The following FSTL4 variants were observed in gnomAD, a reference collection of about 807,000 sequenced individuals.
FSTL4 encodes the protein follistatin like 4, also known as follistatin-related protein 4.
A neutral mutation model predicts 78.2 loss-of-function variants in FSTL4; 28 were observed. The ratio of observed to expected loss-of-function variants is 0.36; its 90% CI spans 0.27 to 0.49. FSTL4 has a LOEUF of 0.49. FSTL4 is among the 20% of genes least tolerant of loss of function. FSTL4 has a pLI of 0.98. For synonymous variants in FSTL4, 422 were observed against 440.5 expected, an observed-to-expected ratio of 0.96 and a Z score of 0.53; for missense variants, 922 against 1,084.9, an observed-to-expected ratio of 0.85 and a Z score of 2.11.
chr5:133,759,305 G>A, the FSTL4 span, among the ~76,000 whole-genome samples: 3 of 152,210 alleles, frequency 2.0e-5, no homozygotes, highest in Non-Finnish European at 4.4e-5. Context: ...ATACTCAATG[G>A]TGGAGGTGGA....
chr5:133,326,528 T>A (rs1375229558), intron 4 of FSTL4, among the ~76,000 whole-genome samples: 1 of 152,230 alleles, frequency 6.6e-6, no homozygotes, highest in Admixed American at 6.5e-5. Context: ...CACTGGCTAC[T>A]CTAGCCTTGA....
the FSTL4 span, among the ~76,000 whole-genome samples, chr5:133,721,856 T>A: frequency 1.3e-5 from 2 of 152,228 alleles, no homozygotes; most frequent in Admixed American, 6.5e-5. Context: ...AATTATTTTA[T>A]TAAATAAGTT....
chr5:133,295,117 C>T (rs78333049), intron 6 of FSTL4, among the ~76,000 whole-genome samples: 10,187 of 152,160 alleles, frequency 0.067, 552 homozygotes, highest in East Asian at 0.27. Context: ...CAATCGTTCC[C>T]GACCTTCTTC....
chr5:133,472,054 C>T lies in FSTL4; in HGVS notation c.161-71068G>A, dbSNP rs144153492. Reference sequence around the variant, plus strand: ...TTGGGGGCCACACTATAGAAGGAATCTGGTTTCAGAATTACCGTGTGGAGC... The same window carrying T: ...TTGGGGGCCACACTATAGAAGGAATTTGGTTTCAGAATTACCGTGTGGAGC... On this transcript the variant is annotated intron_variant, in intron 3 of 15. Coordinates refer to ENST00000265342, the MANE Select transcript of FSTL4 (RefSeq NM_015082.2). Among the ~76,000 whole-genome samples the T allele has an allele frequency of 1.9e-3, 285 of 152,310 alleles. 2 individuals are homozygous for T. The highest frequency in any genetic ancestry group is 6.5e-3 in the African/African-American group (269 of 41,570).
intron 6 of FSTL4, among the ~76,000 whole-genome samples, chr5:133,301,739 G>C (rs530032525): frequency 6.6e-6 from 1 of 152,198 alleles, no homozygotes; most frequent in Non-Finnish European, 1.5e-5. Context: ...CTTGCAGGCT[G>C]CCCCAGGCGG....
intron 7 of FSTL4, among the ~76,000 whole-genome samples, chr5:133,246,361 C>T (rs565811567): frequency 1.3e-5 from 2 of 152,348 alleles, no homozygotes; most frequent in African/African-American, 4.8e-5. Context: ...TCCCGATGAC[C>T]TGGCTTTAGC....
At chr5:133,438,782 T>C (rs1313783745) in intron 3 of FSTL4, among the ~76,000 whole-genome samples, 2 of 152,216 alleles carry the variant, frequency 1.3e-5, no homozygotes, top group East Asian at 3.8e-4. Flanking sequence ...ATTTTGAGGA[T>C]GAGCAGAACT....
chr5:133,627,857 A>G, the FSTL4 span, among the ~76,000 whole-genome samples: 1 of 151,562 alleles, frequency 6.6e-6, no homozygotes, highest in Non-Finnish European at 1.5e-5. Flanking sequence ...ATTTATATAT[A>G]ATATTTTTGC....
At chr5:133,370,246 G>A (rs1755265255) in intron 4 of FSTL4, among the ~76,000 whole-genome samples, 1 of 152,172 alleles carries the variant, frequency 6.6e-6, no homozygotes, top group Non-Finnish European at 1.5e-5. Context: ...GCTTGTCGCT[G>A]AGGAAATGAC....
At chr5:133,370,889 G>T (rs1755281664) in intron 4 of FSTL4, among the ~76,000 whole-genome samples, 1 of 152,182 alleles carries the variant, frequency 6.6e-6, no homozygotes, top group African/African-American at 2.4e-5. Flanking sequence ...GGCAGGTTGG[G>T]GTCATCGAGT....
At chr5:133,688,785 AGGT>A in the FSTL4 span, among the ~76,000 whole-genome samples, 1 of 152,216 alleles carries the variant, frequency 6.6e-6, no homozygotes, top group Non-Finnish European at 1.5e-5. Flanking sequence ...ATGACCTGCA[AGGT>A]GGAAACTTGT....
At chr5:133,628,355 T>C in the FSTL4 span, among the ~76,000 whole-genome samples, 22 of 145,760 alleles carry the variant, frequency 1.5e-4, no homozygotes, top group African/African-American at 5.7e-4. Flanking sequence ...TCTTTTCTTT[T>C]CTTTTCTTTT....
chr5:133,684,483 C>T, the FSTL4 span, among the ~76,000 whole-genome samples: 1 of 152,254 alleles, frequency 6.6e-6, no homozygotes, highest in East Asian at 1.9e-4. Flanking sequence ...TGGCACTGAC[C>T]TTCTCCCTTA....
chr5:133,631,136 A>T, the FSTL4 span, among the ~76,000 whole-genome samples: 1 of 152,262 alleles, frequency 6.6e-6, no homozygotes, highest in African/African-American at 2.4e-5. Flanking sequence ...ACAAAAGCCA[A>T]AATTGGCAAA....
intron 4 of FSTL4, among the ~76,000 whole-genome samples, chr5:133,372,999 C>T (rs1006604436): frequency 1.3e-5 from 2 of 152,122 alleles, no homozygotes; most frequent in Admixed American, 1.3e-4. Context: ...GCCTAAATCC[C>T]CAACGTGAAG....
chr5:133,742,093 C>G, the FSTL4 span, among the ~76,000 whole-genome samples: 1 of 152,356 alleles, frequency 6.6e-6, no homozygotes, highest in Middle Eastern at 3.4e-3. Flanking sequence ...GTCACTACAT[C>G]AGTGCCATGG....
At chr5:133,736,626 C>A in the FSTL4 span, among the ~76,000 whole-genome samples, 1 of 152,116 alleles carries the variant, frequency 6.6e-6, no homozygotes, top group South Asian at 2.1e-4. Context: ...AGAGACACCA[C>A]GGGTCTGTGA....
At chr5:133,232,489 T>A (rs903113537) in intron 8 of FSTL4, among the ~76,000 whole-genome samples, 2 of 152,206 alleles carry the variant, frequency 1.3e-5, no homozygotes, top group Non-Finnish European at 2.9e-5. Context: ...GTCCACCAAA[T>A]ATAGCTAAAT....
the FSTL4 span, among the ~76,000 whole-genome samples, chr5:133,674,502 A>T: frequency 6.6e-6 from 1 of 152,222 alleles, no homozygotes; most frequent in East Asian, 1.9e-4. Flanking sequence ...AGCTAACTTT[A>T]TTAATTTAGA....
Sources: allele counts gnomAD v4.1 joint callset (sites outside exome capture counted in the v4.1 genomes callset), GRCh38; gene constraint gnomAD v4.1.1; transcripts MANE v1.5; gene names NCBI Gene and HGNC (gene_info 2026-07-23, HGNC 2026-07-21).